Variants in SLC10A1 observed in about 807,000 individuals in gnomAD.
The protein encoded by SLC10A1 is hepatic sodium/bile acid cotransporter.
In SLC10A1, 36 loss-of-function variants were observed where a neutral mutation model predicts 20.5. That is an observed-to-expected ratio of 1.75 (90% CI 1.34 to 2.32). The LOEUF (loss-of-function observed/expected upper bound fraction) is 2.32, where lower values mean the gene tolerates loss of function less well. Ranked by LOEUF, SLC10A1 falls within the 30% of genes most tolerant of loss-of-function variation. SLC10A1 has a pLI of 0.00. For missense variants in SLC10A1, 545 were observed against 439.1 expected, an observed-to-expected ratio of 1.24 and a Z score of -2.16; for synonymous variants, 188 against 163.6, an observed-to-expected ratio of 1.15 and a Z score of -1.14.
rs147679541 is a variant in SLC10A1, at chr14:69,797,204, G to A, written c.-49C>T. The stretch of plus-strand genomic sequence containing the variant: ...CACTCCTTGTTCTCCGGCTGACTCC[G>A]TTTCTTGTGCAGTTCTTGCTGGATG... On this transcript the variant is annotated 5_prime_UTR_variant, in exon 1 of 5. The change creates a new upstream start codon in the 5' untranslated region. Transcript: ENST00000216540. The A allele has an allele frequency of 1.6e-4, 245 of 1,506,286 alleles. No individual in the cohort carries two copies. The highest frequency in any genetic ancestry group is 4.4e-4 in the Admixed American group (24 of 54,664). The allele number at this position is 1,506,286 out of a possible 1,614,324, so 93.3% of individuals were successfully genotyped here. A position where few individuals can be genotyped will look rare whatever the true frequency, so the allele number is the denominator to read the frequency against.
At position 69,787,325 on chromosome 14, in the gene SLC10A1, G is replaced by A. The variant is rs867240333; in HGVS notation, c.357-1018C>T. ...GTCTAGGGAGAGGCCCTCCAGAAAG[G>A]TCAACTGAGAAGGAAGCTGATAGGG... On this transcript the variant is annotated intron_variant, in intron 1 of 4. Transcript: ENST00000216540. Among the ~76,000 whole-genome samples the A allele has an allele frequency of 4.6e-5, 7 of 152,292 alleles. No homozygotes were observed. In the South Asian group the frequency reaches 8.3e-4, roughly 18 times the overall value.
Position 69,779,269 on chromosome 14 carries a change from G to A in SLC10A1, c.659C>T (p.Pro220Leu). ...VGKSIMFAMTPLLIATSSLMP... is the reference protein window; with the variant it reads ...VGKSIMFAMTLLLIATSSLMP... ...CAGGGAGGAGGTGGCAATCAAGAGT[G>A]GTGTCATGGCAAACATGATGCTCTT... The change falls in exon 3 of 5, where the codon CCA (proline) becomes CTA (leucine). Residue 220 changes from proline to leucine, a missense_variant. Coordinates refer to ENST00000216540, the MANE Select transcript of SLC10A1 (RefSeq NM_003049.4). 6.2e-7 allele frequency: 1 copy of A among 1,613,916 alleles called. No individual in the cohort carries two copies.
chr14:69,785,700 C>T (rs555358972), intron 2 of SLC10A1, among the ~76,000 whole-genome samples: 2 of 150,876 alleles, frequency 1.3e-5, no homozygotes, highest in Non-Finnish European at 1.5e-5. Flanking sequence ...CTGGTTCAAG[C>T]GATTCTGCTG....
chr14:69,782,580 G>A (rs911972982), intron 2 of SLC10A1, among the ~76,000 whole-genome samples: 1 of 152,176 alleles, frequency 6.6e-6, no homozygotes, highest in Non-Finnish European at 1.5e-5. Flanking sequence ...GGCCAAGGCG[G>A]GGAGATCACA....
intron 4 of SLC10A1, among the ~76,000 whole-genome samples, chr14:69,777,591 TTTTTTTTTTTTTTTAAAA>T (rs1883477046): frequency 2.1e-5 from 2 of 96,626 alleles, no homozygotes; most frequent in East Asian, 2.6e-4. Context: ...TTTTTTTTTT[TTTTTTTTTTTTTTTAAAA>T]TTGGTGTTAA....
chr14:69,777,376 A>G (rs1883469247), intron 4 of SLC10A1, among the ~76,000 whole-genome samples: 1 of 152,170 alleles, frequency 6.6e-6, no homozygotes, highest in Non-Finnish European at 1.5e-5. Context: ...TTGCTAGTAT[A>G]ATGTAACAAA....
At chr14:69,781,976 G>T (rs569633722) in intron 2 of SLC10A1, among the ~76,000 whole-genome samples, 1 of 152,328 alleles carries the variant, frequency 6.6e-6, no homozygotes, top group Admixed American at 6.5e-5. Context: ...TGCGTAAGAG[G>T]CTAGGACAAT....
chr14:69,795,128 G>T (rs535295070), intron 1 of SLC10A1, among the ~76,000 whole-genome samples: 21 of 152,324 alleles, frequency 1.4e-4, no homozygotes, highest in African/African-American at 4.8e-4. Context: ...GCTGCCATGA[G>T]CCTTGTCCAG....
intron 2 of SLC10A1, among the ~76,000 whole-genome samples, chr14:69,779,754 C>G (rs1450281787): frequency 6.6e-6 from 1 of 152,200 alleles, no homozygotes; most frequent in Non-Finnish European, 1.5e-5. Flanking sequence ...AGCACAGTTA[C>G]TGCTTTTGAC....
chr14:69,786,057 A>G lies in SLC10A1; in HGVS notation c.567+40T>C, dbSNP rs776063535. 7.0e-6 allele frequency: 10 copies of G among 1,431,594 alleles called. No individual in the cohort carries two copies. In the South Asian group the frequency reaches 1.0e-4, roughly 15 times the overall value. The allele number at this position is 1,431,594 out of a possible 1,614,324, so 88.7% of individuals were successfully genotyped here. On this transcript the variant is annotated intron_variant, in intron 2 of 4. Transcript: ENST00000216540. ...TCTTATAGTTGTATATGGTGTTTTTACTCTTTTGCCCTAATTTGTCAAGCC... is the reference window on the plus strand; with the variant it reads ...TCTTATAGTTGTATATGGTGTTTTTGCTCTTTTGCCCTAATTTGTCAAGCC...
At chr14:69,779,008 T>TA (rs768219881) in intron 3 of SLC10A1, among the ~76,000 whole-genome samples, 174 bp downstream of exon 3, 1 of 151,902 alleles carries the variant, frequency 6.6e-6, no homozygotes, top group Non-Finnish European at 1.5e-5. Context: ...CCAGAAAAGT[T>TA]AAATCAGCTG....
intron 2 of SLC10A1, among the ~76,000 whole-genome samples, chr14:69,782,170 T>C (rs897706818): frequency 5.3e-5 from 8 of 152,232 alleles, no homozygotes; most frequent in African/African-American, 1.9e-4. Flanking sequence ...AAGATCAGTG[T>C]AGCTGTTGAC....
At position 69,796,905 on chromosome 14, in the gene SLC10A1, CG is replaced by C. The variant is rs745418645; in HGVS notation, c.250del (p.Arg84GlyfsTer2). 1.2e-6 allele frequency: 2 copies of C among 1,614,176 alleles called. No individual in the cohort carries two copies. The highest frequency in any genetic ancestry group is 1.7e-6 in the Non-Finnish European group (2 of 1,180,012). On this transcript the variant is annotated frameshift_variant, in exon 1 of 5. Transcript: ENST00000216540. LOFTEE classifies it high-confidence loss of function. The part of the protein sequence containing the change: ...LTAFVLGKVF[R>X]LKNIEALAIL... Reference sequence around the variant, plus strand: ...GGCCAGTGCCTCAATGTTCTTCAGCCGGAAGACCTTGCCCAGCACAAAGGCC... The same window carrying C: ...GGCCAGTGCCTCAATGTTCTTCAGCCGAAGACCTTGCCCAGCACAAAGGCC...
Position 69,789,823 on chromosome 14 carries a change from A to G in SLC10A1, c.357-3516T>C, listed in dbSNP as rs577504068. Among the ~76,000 whole-genome samples the G allele has an allele frequency of 1.3e-4, 20 of 152,294 alleles. 1 individual carries two copies. The South Asian group carries it at 3.7e-3, about 28-fold the overall frequency. ...AAAAATTAATGAGTTAAGCACCTTAAGAGGTTAGAATGAGAAAAACCCAAT... is the reference window on the plus strand; with the variant it reads ...AAAAATTAATGAGTTAAGCACCTTAGGAGGTTAGAATGAGAAAAACCCAAT... On this transcript the variant is annotated intron_variant, in intron 1 of 4. Coordinates refer to ENST00000216540, the MANE Select transcript of SLC10A1 (RefSeq NM_003049.4).
At position 69,778,433 on chromosome 14, in the gene SLC10A1, TG is replaced by T; in HGVS notation, c.842del (p.Pro281HisfsTer10). On this transcript the variant is annotated frameshift_variant, in exon 4 of 5. Coordinates refer to ENST00000216540, the MANE Select transcript of SLC10A1 (RefSeq NM_003049.4). LOFTEE classifies it high-confidence loss of function. ...TGTAGAGGAGGGGAAAGAAGAAAAGTGGTCCAATGACTTCAGGTGGAAAGGC... is the reference window on the plus strand; with the variant it reads ...TGTAGAGGAGGGGAAAGAAGAAAAGTGTCCAATGACTTCAGGTGGAAAGGC... ...NVAFPPEVIG[P>X]LFFFPLLYMI... The T allele has an allele frequency of 6.2e-7, 1 of 1,614,012 alleles. No individual in the cohort carries two copies.
chr14:69,796,775 G>C, intron 1 of SLC10A1, 25 bp downstream of exon 1: 1 of 1,576,760 alleles, frequency 6.3e-7, no homozygotes, highest in Non-Finnish European at 8.7e-7. Context: ...GTCCCAGGCT[G>C]TTCCCTCCTC....
At chr14:69,781,059 A>G (rs1309158654) in intron 2 of SLC10A1, among the ~76,000 whole-genome samples, 1 of 152,122 alleles carries the variant, frequency 6.6e-6, no homozygotes, top group Non-Finnish European at 1.5e-5. Context: ...CCTGGTGGGA[A>G]AGCTGCCTCT....
At chr14:69,793,156 G>A (rs530194846) in intron 1 of SLC10A1, among the ~76,000 whole-genome samples, 4 of 152,176 alleles carry the variant, frequency 2.6e-5, no homozygotes, top group Non-Finnish European at 5.9e-5. Context: ...TTTGGCTTGT[G>A]TGTCAGGAGT....
intron 1 of SLC10A1, among the ~76,000 whole-genome samples, chr14:69,794,252 A>C (rs756757702): frequency 6.6e-6 from 1 of 152,224 alleles, no homozygotes; most frequent in African/African-American, 2.4e-5. Flanking sequence ...GATTTCACAT[A>C]AAATGGATAT....
Sources: allele counts gnomAD v4.1 joint callset (sites outside exome capture counted in the v4.1 genomes callset), GRCh38; gene constraint gnomAD v4.1.1; transcripts MANE v1.5; gene names NCBI Gene and HGNC (gene_info 2026-07-23, HGNC 2026-07-21).